The following FICD variants were observed in gnomAD, a reference collection of about 807,000 sequenced individuals.
FICD encodes the protein protein adenylyltransferase FICD.
A neutral mutation model predicts 28.0 loss-of-function variants in FICD; 13 were observed. The observed-to-expected ratio is 0.46, with a 90% CI of 0.30 to 0.74. The LOEUF (loss-of-function observed/expected upper bound fraction) is 0.74, where lower values mean the gene tolerates loss of function less well. FICD is among the 30% of genes least tolerant of loss of function. The pLI is 0.07. For synonymous variants in FICD, 268 were observed against 266.4 expected (o/e 1.01, Z -0.06); for missense variants, 576 against 624.5 (o/e 0.92, Z 0.83).
At position 108,518,490 on chromosome 12, in the gene FICD, A is replaced by C; in HGVS notation, c.392A>C (p.His131Pro). Residue 131 changes from histidine (H) to proline (P), a missense_variant, in exon 3 of 3, where the codon CAC becomes CCC. Physicochemically the swap from His to Pro is moderately conservative, Grantham distance 77. Transcript: ENST00000552695. This position sits in a 1 kb window ranked among gnomAD's most constrained non-coding sequence, Gnocchi z 4.4. ...KREKAQKLFM[H>P]ALKMDPDFVD... The stretch of plus-strand genomic sequence containing the variant: ...GAAAAAGCCCAAAAGCTCTTCATGC[A>C]CGCCCTCAAGATGGACCCGGACTTC... 1 of 1,614,200 alleles carries C rather than the reference A, an allele frequency of 6.2e-7. No homozygotes were observed.
chr12:108,516,932 C>A lies in FICD; in HGVS notation c.-41C>A. On this transcript the variant is annotated 5_prime_UTR_variant, in exon 2 of 3. Coordinates refer to ENST00000552695, the MANE Select transcript of FICD (RefSeq NM_007076.3). The stretch of plus-strand genomic sequence containing the variant: ...CCTTGCAGATCCTGCTCTCTCTCAG[C>A]CGCCTGTGGACATGCGCAAAGGGCC... 7.0e-7 allele frequency: 1 copy of A among 1,430,092 alleles called. No individual in the cohort carries two copies. The highest frequency in any genetic ancestry group is 9.3e-7 in the Non-Finnish European group (1 of 1,077,666). 88.6% of individuals were successfully genotyped at this position (1,430,092 alleles called of 1,614,324 possible).
chr12:108,518,323 G>C lies in FICD; in HGVS notation c.302-77G>C, dbSNP rs757155763. 7.9e-7 allele frequency: 1 copy of C among 1,258,070 alleles called. No individual in the cohort carries two copies. Among genetic ancestry groups the C allele is most frequent in the East Asian group, 2.4e-5 (1 of 41,644 alleles). 77.9% of individuals were successfully genotyped at this position (1,258,070 alleles called of 1,614,324 possible). ...TCATCATGGTTTCCTGCGGAGACCA[G>C]CACAGGGGACAGCCCCCCGAATGTC... On this transcript the variant is annotated intron_variant, in intron 2 of 2. Transcript: ENST00000552695. This position sits in a 1 kb window ranked among gnomAD's most constrained non-coding sequence, Gnocchi z 4.4.
rs1555203683 is a variant in FICD at position 108,520,093 on chromosome 12, T to TG, written c.*618_*619insG. 2.6e-5 allele frequency: 4 copies of TG among 150,966 alleles called. No homozygotes were observed. The highest frequency in any genetic ancestry group is 4.9e-5 in the African/African-American group (2 of 41,040). 9.4% of individuals were successfully genotyped at this position (150,966 alleles called of 1,614,324 possible). A position where few individuals can be genotyped will look rare whatever the true frequency, so the allele number is the denominator to read the frequency against. On this transcript the variant is annotated 3_prime_UTR_variant, in exon 3 of 3. Coordinates refer to ENST00000552695, the MANE Select transcript of FICD (RefSeq NM_007076.3). ...AACTTTAGTGCCAGCAGCTGTTTTT[T>TG]TTTTTTTTTTTTTCATATTGAGACT...
At chr12:108,515,891 C>A (rs1160314452) in intron 1 of FICD, among the ~76,000 whole-genome samples, 1 of 152,130 alleles carries the variant, frequency 6.6e-6, no homozygotes, top group Non-Finnish European at 1.5e-5. Context: ...CCGGATGCCT[C>A]TGTTTACCTC....
chr12:108,518,153 C>T lies in FICD; in HGVS notation c.302-247C>T. 1.4e-6 allele frequency: 1 copy of T among 702,492 alleles called. No homozygotes were observed. The highest frequency in any genetic ancestry group is 2.0e-5 in the Admixed American group (1 of 50,006). 43.5% of individuals were successfully genotyped at this position (702,492 alleles called of 1,614,324 possible). A position where few individuals can be genotyped will look rare whatever the true frequency, so the allele number is the denominator to read the frequency against. On this transcript the variant is annotated intron_variant, in intron 2 of 2. Transcript: ENST00000552695. This position sits in a 1 kb window ranked among gnomAD's most constrained non-coding sequence, Gnocchi z 4.4. ...AGGCTAGGAAGCCAAGGAGGTGCCT[C>T]CCAGAATACAAGAGAGTGGCTCTGG...
Position 108,520,341 on chromosome 12 carries a change from CCT to C in FICD, c.*869_*870del, listed in dbSNP as rs1872070667. ...ATGCTAGTAGGCATCTGCCCTCACC[CCT>C]CTGCCTGAGTTTTCTGTAGGCAGAT... is the stretch of plus-strand genomic sequence containing the variant. On this transcript the variant is annotated 3_prime_UTR_variant, in exon 3 of 3. Coordinates refer to ENST00000552695, the MANE Select transcript of FICD (RefSeq NM_007076.3). 5 of 152,154 alleles carry C rather than the reference CCT, an allele frequency of 3.3e-5. No homozygotes were observed. The allele number at this position is 152,154 out of a possible 1,614,324, so 9.4% of individuals were successfully genotyped here.
Position 108,519,721 on chromosome 12 carries a change from G to T in FICD, c.*246G>T. ...GTCAGTATTGTATGGTGTCTGCTGTGTCTTGCTGGTGGCCGTGCTTTAGGG... is the reference window on the plus strand; with the variant it reads ...GTCAGTATTGTATGGTGTCTGCTGTTTCTTGCTGGTGGCCGTGCTTTAGGG... On this transcript the variant is annotated 3_prime_UTR_variant, in exon 3 of 3. Transcript: ENST00000552695. This position sits in a 1 kb window ranked among gnomAD's most constrained non-coding sequence, Gnocchi z 4.5. 1.0e-5 allele frequency: 4 copies of T among 399,838 alleles called. No homozygotes were observed. The South Asian group carries it at 1.9e-4, about 19-fold the overall frequency. 24.8% of individuals were successfully genotyped at this position (399,838 alleles called of 1,614,324 possible).
chr12:108,518,253 C>G lies in FICD; in HGVS notation c.302-147C>G, dbSNP rs543603358. On this transcript the variant is annotated intron_variant, in intron 2 of 2. Coordinates refer to ENST00000552695, the MANE Select transcript of FICD (RefSeq NM_007076.3). This position sits in a 1 kb window ranked among gnomAD's most constrained non-coding sequence, Gnocchi z 4.4. ...TGGTACCGGGCATGTTGAGTACACA[C>G]GATGCGGCTGCAACAAGCTCCTCAA... 6.9e-6 allele frequency: 5 copies of G among 727,074 alleles called. No individual in the cohort carries two copies. Among genetic ancestry groups the G allele is most frequent in the Non-Finnish European group, 1.2e-5 (5 of 406,222 alleles). The allele number at this position is 727,074 out of a possible 1,614,324, so 45.0% of individuals were successfully genotyped here. A position where few individuals can be genotyped will look rare whatever the true frequency, so the allele number is the denominator to read the frequency against.
rs1871923151 is a variant in FICD, at chr12:108,516,918, C to T, written c.-55C>T. On this transcript the variant is annotated 5_prime_UTR_variant, in exon 2 of 3. Coordinates refer to ENST00000552695, the MANE Select transcript of FICD (RefSeq NM_007076.3). ...TGCGACTCTTGGCTCCTTGCAGATC[C>T]TGCTCTCTCTCAGCCGCCTGTGGAC... The T allele has an allele frequency of 1.4e-6, 2 of 1,401,784 alleles. No individual in the cohort carries two copies. The highest frequency in any genetic ancestry group is 2.9e-5 in the African/African-American group (2 of 69,122). 86.8% of individuals were successfully genotyped at this position (1,401,784 alleles called of 1,614,324 possible).
In FICD at chr12:108,519,710, G is replaced by T. The variant is rs1453436071; in HGVS notation, c.*235G>T. On this transcript the variant is annotated 3_prime_UTR_variant, in exon 3 of 3. Transcript: ENST00000552695. The surrounding 1 kb of genome is among the most constrained non-coding windows in gnomAD (Gnocchi z 4.5). ...GGAGCAAGCTAGTCAGTATTGTATG[G>T]TGTCTGCTGTGTCTTGCTGGTGGCC... 1 of 427,756 alleles carries T rather than the reference G, an allele frequency of 2.3e-6. No homozygotes were observed. The highest frequency in any genetic ancestry group is 6.2e-4 in the Middle Eastern group (1 of 1,618). 26.5% of individuals were successfully genotyped at this position (427,756 alleles called of 1,614,324 possible). A position where few individuals can be genotyped will look rare whatever the true frequency, so the allele number is the denominator to read the frequency against.
Position 108,519,710 on chromosome 12 carries a change from G to A in FICD, c.*235G>A. 2.3e-6 allele frequency: 1 copy of A among 427,756 alleles called. No individual in the cohort carries two copies. The highest frequency in any genetic ancestry group is 4.1e-6 in the Non-Finnish European group (1 of 242,766). The allele number at this position is 427,756 out of a possible 1,614,324, so 26.5% of individuals were successfully genotyped here. ...GGAGCAAGCTAGTCAGTATTGTATG[G>A]TGTCTGCTGTGTCTTGCTGGTGGCC... On this transcript the variant is annotated 3_prime_UTR_variant, in exon 3 of 3. Transcript: ENST00000552695. The surrounding 1 kb of genome is among the most constrained non-coding windows in gnomAD (Gnocchi z 4.5).
chr12:108,518,072 G>A lies in FICD; in HGVS notation c.302-328G>A. 1 of 699,864 alleles carries A rather than the reference G, an allele frequency of 1.4e-6. No homozygotes were observed. The highest frequency in any genetic ancestry group is 1.5e-5 in the South Asian group (1 of 67,284). The allele number at this position is 699,864 out of a possible 1,614,324, so 43.4% of individuals were successfully genotyped here. On this transcript the variant is annotated intron_variant, in intron 2 of 2. Coordinates refer to ENST00000552695, the MANE Select transcript of FICD (RefSeq NM_007076.3). The surrounding 1 kb of genome is among the most constrained non-coding windows in gnomAD (Gnocchi z 4.4). ...AGCTGTGGCCCACAGGAAAGGCCCA[G>A]CAGAGAGGGCCCAGGCGAAGTAAAT...
chr12:108,518,849 T>A lies in FICD; in HGVS notation c.751T>A (p.Tyr251Asn). ...SEIRHILETR[Y>N]AVPGKSLEEQ... ...AATCAGGCACATCCTGGAGACCCGC[T>A]ACGCCGTGCCCGGGAAGAGCCTGGA... The change falls in exon 3 of 3, where the codon TAC (tyrosine) becomes AAC (asparagine). Residue 251 changes from tyrosine (Y) to asparagine (N), a missense_variant. Transcript: ENST00000552695. This position sits in a 1 kb window ranked among gnomAD's most constrained non-coding sequence, Gnocchi z 4.4. 6.2e-7 allele frequency: 1 copy of A among 1,614,146 alleles called. No homozygotes were observed. Among genetic ancestry groups the A allele is most frequent in the Non-Finnish European group, 8.5e-7 (1 of 1,180,022 alleles).
rs373520821 is a variant in FICD at position 108,516,987 on chromosome 12, A to T, written c.15A>T (p.Pro5=). 60 of 1,515,722 alleles carry T rather than the reference A, an allele frequency of 4.0e-5. 1 individual carries two copies. Among genetic ancestry groups the T allele is most frequent in the South Asian group, 3.9e-4 (30 of 77,498 alleles). 93.9% of individuals were successfully genotyped at this position (1,515,722 alleles called of 1,614,324 possible). Reference sequence around the variant, plus strand: ...CCTGAGTCCAGATGATGCTCATACCAATGGCTTCAGTGATGGCGGTGACTG... The same window carrying T: ...CCTGAGTCCAGATGATGCTCATACCTATGGCTTCAGTGATGGCGGTGACTG... MMLI[P]MASVMAVTEP... is the part of the protein sequence containing the mutation. The change falls in exon 2 of 3, where the codon CCA becomes CCT. Residue 5 remains proline, a synonymous_variant. Transcript: ENST00000552695.
intron 1 of FICD, among the ~76,000 whole-genome samples, chr12:108,516,377 G>A (rs1331285989): frequency 6.6e-6 from 1 of 152,242 alleles, no homozygotes; most frequent in Non-Finnish European, 1.5e-5. Context: ...TGGCTGATCT[G>A]CCTGGGTGTC....
Position 108,519,151 on chromosome 12 carries a change from T to A in FICD, c.1053T>A (p.Phe351Leu). 6.2e-7 allele frequency: 1 copy of A among 1,614,210 alleles called. No homozygotes were observed. The highest frequency in any genetic ancestry group is 8.5e-7 in the Non-Finnish European group (1 of 1,180,024). Residue 351 changes from phenylalanine to leucine, a missense_variant, in exon 3 of 3, where the codon TTT becomes TTA. Transcript: ENST00000552695. This position sits in a 1 kb window ranked among gnomAD's most constrained non-coding sequence, Gnocchi z 4.5. Reference sequence around the variant, plus strand: ...CCATGAACCTGCACCCAGTGGAGTTTGCAGCCTTAGCCCATTATAAACTCG... The same window carrying A: ...CCATGAACCTGCACCCAGTGGAGTTAGCAGCCTTAGCCCATTATAAACTCG... ...EEAMNLHPVE[F>L]AALAHYKLVY...
rs1279292146 is a variant in FICD, at chr12:108,518,184, C to G, written c.302-216C>G. The stretch of plus-strand genomic sequence containing the variant: ...ATACAAGAGAGTGGCTCTGGGGACA[C>G]ACGGATAGTGACTGCATACCACCAC... On this transcript the variant is annotated intron_variant, in intron 2 of 2. Transcript: ENST00000552695. This position sits in a 1 kb window ranked among gnomAD's most constrained non-coding sequence, Gnocchi z 4.4. 2.8e-6 allele frequency: 2 copies of G among 702,858 alleles called. No individual in the cohort carries two copies. Among genetic ancestry groups the G allele is most frequent in the African/African-American group, 3.5e-5 (2 of 57,254 alleles). 43.5% of individuals were successfully genotyped at this position (702,858 alleles called of 1,614,324 possible). A position where few individuals can be genotyped will look rare whatever the true frequency, so the allele number is the denominator to read the frequency against.
At chr12:108,515,681 C>T (rs1871890306) in intron 1 of FICD, among the ~76,000 whole-genome samples, 1 of 152,126 alleles carries the variant, frequency 6.6e-6, no homozygotes, top group Non-Finnish European at 1.5e-5. Context: ...GCACTCCAGG[C>T]GCACCCCTAT....
At position 108,519,526 on chromosome 12, in the gene FICD, AG is replaced by A. The variant is rs767717421; in HGVS notation, c.*52del. The A allele has an allele frequency of 8.4e-7, 1 of 1,184,700 alleles. No homozygotes were observed. The allele number at this position is 1,184,700 out of a possible 1,614,324, so 73.4% of individuals were successfully genotyped here. A position where few individuals can be genotyped will look rare whatever the true frequency, so the allele number is the denominator to read the frequency against. ...CTGTCCTGAGGTAGGAAAAAAAAAA[AG>A]AAACAGCATTTCTAGAAACCTAGTC... On this transcript the variant is annotated 3_prime_UTR_variant, in exon 3 of 3. Coordinates refer to ENST00000552695, the MANE Select transcript of FICD (RefSeq NM_007076.3). The surrounding 1 kb of genome is among the most constrained non-coding windows in gnomAD (Gnocchi z 4.5).
Sources: gnomAD v4.1 joint callset for allele counts (sites outside exome capture counted in the v4.1 genomes callset) on GRCh38, gnomAD v4.1.1 for gene constraint, Gnocchi (gnomAD v3.1) non-coding constraint, MANE v1.5 for transcripts, NCBI Gene and HGNC (gene_info 2026-07-23, HGNC 2026-07-21) for gene names.